The following PHACTR1 variants were observed in gnomAD, a reference collection of about 807,000 sequenced individuals.
PHACTR1 encodes RPEL repeat containing 1.
A neutral mutation model predicts 69.2 loss-of-function variants in PHACTR1; 16 were observed. That is an observed-to-expected ratio of 0.23 (90% CI 0.16 to 0.35). The LOEUF (loss-of-function observed/expected upper bound fraction) is 0.35. Among genes scored for constraint, PHACTR1 ranks in the 10% least tolerant of loss-of-function variants. PHACTR1 has a pLI of 1.00. For missense variants in PHACTR1, 510 were observed against 734.7 expected, an observed-to-expected ratio of 0.69 and a Z score of 3.54; for synonymous variants, 312 against 284.5, an observed-to-expected ratio of 1.10 and a Z score of -0.97.
intron 4 of PHACTR1, among the ~76,000 whole-genome samples, chr6:12,797,472 T>C (rs1773178818): frequency 1.3e-5 from 2 of 152,202 alleles, no homozygotes; most frequent in South Asian, 2.1e-4. Flanking sequence ...CGGTTACTTC[T>C]TTCCAGCAGT....
At chr6:13,040,873 G>A (rs1804032271) in intron 4 of PHACTR1, among the ~76,000 whole-genome samples, 1 of 152,128 alleles carries the variant, frequency 6.6e-6, no homozygotes, top group Non-Finnish European at 1.5e-5. Flanking sequence ...AGTTTTGAGA[G>A]GCCGATTAAC....
At chr6:12,862,486 G>A (rs1781040559) in intron 4 of PHACTR1, among the ~76,000 whole-genome samples, 1 of 152,074 alleles carries the variant, frequency 6.6e-6, no homozygotes, top group Non-Finnish European at 1.5e-5. Context: ...TACACTGGGG[G>A]ATGGCTCTTA....
chr6:12,794,280 A>T (rs534629638), intron 4 of PHACTR1, among the ~76,000 whole-genome samples: 1 of 152,360 alleles, frequency 6.6e-6, no homozygotes, highest in South Asian at 2.1e-4. Flanking sequence ...ATACCATTTT[A>T]TAAAGATACA....
chr6:13,269,884 C>T (rs1003993345), intron 10 of PHACTR1, among the ~76,000 whole-genome samples: 7 of 152,194 alleles, frequency 4.6e-5, no homozygotes, highest in Non-Finnish European at 8.8e-5. Flanking sequence ...ACACTTAACA[C>T]ACTTCTGTGA....
At chr6:13,073,794 G>A (rs531417389) in intron 5 of PHACTR1, among the ~76,000 whole-genome samples, 23 of 151,934 alleles carry the variant, frequency 1.5e-4, no homozygotes, top group South Asian at 1.0e-3. Flanking sequence ...TCATATTAGG[G>A]ATTCCAGACT....
intron 4 of PHACTR1, among the ~76,000 whole-genome samples, chr6:12,919,713 A>G (rs1787427043): frequency 6.6e-6 from 1 of 152,214 alleles, no homozygotes; most frequent in Non-Finnish European, 1.5e-5. Flanking sequence ...AAGTTAAGCC[A>G]TCATTTTATG....
At chr6:12,717,400 C>T (rs770460649) in intron 1 of PHACTR1, 109 bp from the exon 2 acceptor site, 2 of 151,474 alleles carry the variant, frequency 1.3e-5, no homozygotes, top group South Asian at 4.2e-4. Context: ...CACTTCTCTG[C>T]CTAAGAGATA....
At chr6:12,840,709 A>G (rs554871880) in intron 4 of PHACTR1, among the ~76,000 whole-genome samples, 46 of 152,278 alleles carry the variant, frequency 3.0e-4, no homozygotes, top group Non-Finnish European at 5.3e-4. Context: ...AAGTCTCACC[A>G]TCTCTACCAA....
At chr6:12,785,159 T>A (rs1771387774) in intron 4 of PHACTR1, among the ~76,000 whole-genome samples, 1 of 151,912 alleles carries the variant, frequency 6.6e-6, no homozygotes, top group East Asian at 1.9e-4. Flanking sequence ...CCCATAGGAG[T>A]GTATAGTCTA....
intron 6 of PHACTR1, among the ~76,000 whole-genome samples, chr6:13,167,528 C>T (rs943551376): frequency 1.3e-5 from 2 of 152,158 alleles, no homozygotes; most frequent in African/African-American, 4.8e-5. Context: ...GTGAAGCTGC[C>T]GCAGCTCACC....
At chr6:12,897,547 A>G (rs1301900211) in intron 4 of PHACTR1, among the ~76,000 whole-genome samples, 2 of 152,130 alleles carry the variant, frequency 1.3e-5, no homozygotes, top group African/African-American at 4.8e-5. Flanking sequence ...ACTCTGGCAC[A>G]CACAGACTTC....
chr6:13,252,596 T>C (rs890871866), intron 10 of PHACTR1, among the ~76,000 whole-genome samples: 7 of 151,098 alleles, frequency 4.6e-5, no homozygotes, highest in Non-Finnish European at 1.0e-4. Flanking sequence ...ATTCTTAAAA[T>C]CTGCCATGCT....
intron 10 of PHACTR1, among the ~76,000 whole-genome samples, chr6:13,239,305 C>T (rs1345752848): frequency 1.3e-5 from 2 of 152,192 alleles, no homozygotes; most frequent in Non-Finnish European, 1.5e-5. Flanking sequence ...AGTTCTACAA[C>T]ATTTGTACCA....
chr6:13,100,964 G>A (rs544330893), intron 5 of PHACTR1, among the ~76,000 whole-genome samples: 5 of 152,286 alleles, frequency 3.3e-5, no homozygotes, highest in African/African-American at 1.2e-4. Context: ...TGTTAAAACT[G>A]ATGTTCCTGG....
At chr6:13,048,902 A>C (rs1805509770) in intron 4 of PHACTR1, among the ~76,000 whole-genome samples, 1 of 152,202 alleles carries the variant, frequency 6.6e-6, no homozygotes, top group South Asian at 2.1e-4. Flanking sequence ...AAGCCTTCCA[A>C]TATCATTATC....
At chr6:13,085,767 A>T (rs1036030947) in intron 5 of PHACTR1, among the ~76,000 whole-genome samples, 3 of 152,060 alleles carry the variant, frequency 2.0e-5, no homozygotes, top group Non-Finnish European at 1.5e-5. Context: ...AAAAATGAAC[A>T]TTAAAATGTT....
intron 5 of PHACTR1, among the ~76,000 whole-genome samples, chr6:13,097,333 TG>T (rs1235913034): frequency 2.6e-5 from 4 of 152,368 alleles, no homozygotes; most frequent in African/African-American, 7.2e-5. Flanking sequence ...ATTCATGTCT[TG>T]GCCTCCTGCC....
intron 4 of PHACTR1, among the ~76,000 whole-genome samples, chr6:12,838,472 GT>G (rs1433364766): frequency 6.6e-6 from 1 of 152,160 alleles, no homozygotes; most frequent in Non-Finnish European, 1.5e-5. Context: ...GTTAAAGGCA[GT>G]ACTTTAGAAT....
chr6:13,055,575 A>G (rs1357119536), intron 5 of PHACTR1, among the ~76,000 whole-genome samples: 1 of 152,246 alleles, frequency 6.6e-6, no homozygotes, highest in Non-Finnish European at 1.5e-5. Context: ...TGACTTTGCT[A>G]AGCAAAATAG....
Sources: allele counts gnomAD v4.1 joint callset (sites outside exome capture counted in the v4.1 genomes callset), GRCh38; gene constraint gnomAD v4.1.1; transcripts MANE v1.5; gene names NCBI Gene and HGNC (gene_info 2026-07-23, HGNC 2026-07-21).